The following SLC7A5 variants were observed in gnomAD, a reference collection of about 807,000 sequenced individuals.
The protein encoded by SLC7A5 is solute carrier family 7 member 5.
In SLC7A5, 23 loss-of-function variants were observed where a neutral mutation model predicts 50.2. That is an observed-to-expected ratio of 0.46 (90% CI 0.33 to 0.65). SLC7A5 has a LOEUF of 0.65. Ranked by LOEUF, SLC7A5 falls within the 30% of genes least tolerant of loss-of-function variation. The pLI, the probability that SLC7A5 is intolerant of heterozygous loss-of-function variation, is 0.02. For missense variants in SLC7A5, 578 were observed against 684.4 expected, an observed-to-expected ratio of 0.84 and a Z score of 1.73; for synonymous variants, 393 against 330.6, an observed-to-expected ratio of 1.19 and a Z score of -2.05.
At chr16:87,839,535 T>C (rs1264004243) in intron 5 of SLC7A5, among the ~76,000 whole-genome samples, 167 bp downstream of exon 5, 1 of 152,118 alleles carries the variant, frequency 6.6e-6, no homozygotes, top group African/African-American at 2.4e-5. Flanking sequence ...GCGGTCGCTG[T>C]GAGGGGAGAC....
At chr16:87,848,020 G>A (rs575330342) in intron 2 of SLC7A5, among the ~76,000 whole-genome samples, 4 of 152,148 alleles carry the variant, frequency 2.6e-5, no homozygotes, top group Non-Finnish European at 5.9e-5. Flanking sequence ...ATTCAGCCGG[G>A]GTCTGAGCCC....
rs568692213 is a variant in SLC7A5, at chr16:87,854,656, C to T, written c.539-2807G>A. Among the ~76,000 whole-genome samples, 7 of 152,386 alleles carry T rather than the reference C, an allele frequency of 4.6e-5. No homozygotes were observed. The East Asian group carries it at 1.2e-3, about 25-fold the overall frequency. The stretch of plus-strand genomic sequence containing the variant: ...AGCCACCCCCAGATAAGTGTGGCCG[C>T]GCCAGCCTGCGGGGACAGCTGGGCC... On this transcript the variant is annotated intron_variant, in intron 1 of 9. Coordinates refer to ENST00000261622, the MANE Select transcript of SLC7A5 (RefSeq NM_003486.7).
intron 5 of SLC7A5, among the ~76,000 whole-genome samples, chr16:87,839,148 G>A (rs1330063136): frequency 3.3e-5 from 5 of 152,212 alleles, no homozygotes; most frequent in Non-Finnish European, 5.9e-5. Flanking sequence ...GTGCCCTGCC[G>A]GCAGCGGGCT....
chr16:87,854,316 T>G (rs2055285830), intron 1 of SLC7A5, among the ~76,000 whole-genome samples: 1 of 152,210 alleles, frequency 6.6e-6, no homozygotes, highest in East Asian at 1.9e-4. Context: ...AACATAAATT[T>G]TCATGTTCAC....
At position 87,845,343 on chromosome 16, in the gene SLC7A5, C is replaced by T. The variant is rs185364978; in HGVS notation, c.665-4188G>A. On this transcript the variant is annotated intron_variant, in intron 2 of 9. Coordinates refer to ENST00000261622, the MANE Select transcript of SLC7A5 (RefSeq NM_003486.7). ...GGTCAGCACCCTGGAGCTAGCTGCC[C>T]TGTGGGCTCAGGGAAGTCGTGCAGT... Among the ~76,000 whole-genome samples, 215 of 152,276 alleles carry T rather than the reference C, an allele frequency of 1.4e-3. 13 individuals carry two copies. The highest frequency in any genetic ancestry group is 4.9e-3 in the African/African-American group (205 of 41,522).
In SLC7A5 at chr16:87,861,081, G is replaced by A. The variant is rs151285984; in HGVS notation, c.538+7804C>T. 4.9e-3 allele frequency among the ~76,000 whole-genome samples: 750 copies of A among 152,338 alleles called. 3 individuals carry two copies. Among genetic ancestry groups the A allele is most frequent in the Non-Finnish European group, 8.2e-3 (561 of 68,022 alleles). On this transcript the variant is annotated intron_variant, in intron 1 of 9. Transcript: ENST00000261622. The surrounding 1 kb of genome is among the most constrained non-coding windows in gnomAD (Gnocchi z 4.2). ...TGCTGCCACAGGGCCTCTGGGGAGC[G>A]TGCGGGCACACAGTACCAATCTGCA...
intron 1 of SLC7A5, among the ~76,000 whole-genome samples, chr16:87,855,071 G>T (rs1273808372): frequency 4.6e-5 from 7 of 152,238 alleles, no homozygotes; most frequent in Non-Finnish European, 1.0e-4. Flanking sequence ...CCAAGCTGTG[G>T]TCCTGGTCCT....
chr16:87,856,979 G>A (rs930986648), intron 1 of SLC7A5, among the ~76,000 whole-genome samples: 9 of 150,306 alleles, frequency 6.0e-5, no homozygotes, highest in African/African-American at 1.7e-4. Flanking sequence ...GCACAGGCGC[G>A]TGCTTCCCTG....
At chr16:87,842,090 A>G (rs950171393) in intron 2 of SLC7A5, among the ~76,000 whole-genome samples, 14 of 152,192 alleles carry the variant, frequency 9.2e-5, no homozygotes, top group African/African-American at 3.1e-4. Flanking sequence ...CGCTTCAGGA[A>G]GGAGAACTTG....
chr16:87,843,633 AC>A (rs928588375), intron 2 of SLC7A5, among the ~76,000 whole-genome samples: 2 of 151,992 alleles, frequency 1.3e-5, no homozygotes, highest in African/African-American at 4.8e-5. Flanking sequence ...TGGGGGCAGC[AC>A]CCCTGTACCT....
intron 5 of SLC7A5, 96 bp from the exon 6 acceptor site, chr16:87,838,913 C>G (rs1240554370): frequency 2.6e-5 from 23 of 901,610 alleles, no homozygotes. Flanking sequence ...AGCCCTCGCC[C>G]TCTGTGCTCA....
chr16:87,834,187 C>A (rs1250181039), intron 9 of SLC7A5, among the ~76,000 whole-genome samples: 5 of 152,206 alleles, frequency 3.3e-5, no homozygotes, highest in Non-Finnish European at 7.3e-5. Context: ...CAGCAGTAGC[C>A]TGGTTTTCCG....
chr16:87,846,875 G>T (rs953604561), intron 2 of SLC7A5, among the ~76,000 whole-genome samples: 1 of 152,232 alleles, frequency 6.6e-6, no homozygotes, highest in African/African-American at 2.4e-5. Flanking sequence ...CCGTGCCGGG[G>T]ACGCGGTGAG....
At chr16:87,864,765 TTAAC>T (rs1309849417) in intron 1 of SLC7A5, among the ~76,000 whole-genome samples, 1 of 152,236 alleles carries the variant, frequency 6.6e-6, no homozygotes, top group Admixed American at 6.5e-5. Context: ...TTCAGTATGA[TTAAC>T]TAACAAAAGC....
chr16:87,833,577 C>A lies in SLC7A5; in HGVS notation c.1469-552G>T, dbSNP rs2054958933. ...CCTGAATGACAGTTAATGCAGATCC[C>A]ACTGCAAAGCTTGAGGCAAATGTTC... On this transcript the variant is annotated intron_variant, in intron 9 of 9. Coordinates refer to ENST00000261622, the MANE Select transcript of SLC7A5 (RefSeq NM_003486.7). The surrounding 1 kb of genome is among the most constrained non-coding windows in gnomAD (Gnocchi z 6.0). Among the ~76,000 whole-genome samples the A allele has an allele frequency of 1.3e-5, 2 of 152,308 alleles. No individual in the cohort carries two copies. Among genetic ancestry groups the A allele is most frequent in the African/African-American group, 4.8e-5 (2 of 41,584 alleles).
intron 2 of SLC7A5, among the ~76,000 whole-genome samples, chr16:87,843,888 T>C (rs2143750644): frequency 6.6e-6 from 1 of 152,220 alleles, no homozygotes; most frequent in South Asian, 2.1e-4. Context: ...CAGGACCAGC[T>C]CCTCTCAGCT....
chr16:87,864,083 G>C (rs1273112109), intron 1 of SLC7A5, among the ~76,000 whole-genome samples: 1 of 147,784 alleles, frequency 6.8e-6, no homozygotes, highest in Admixed American at 6.8e-5. Flanking sequence ...CCTGAGGTCA[G>C]GAGTTCGAGA....
intron 7 of SLC7A5, among the ~76,000 whole-genome samples, chr16:87,837,118 GCTTCTAACT>G (rs2055016909): frequency 6.6e-6 from 1 of 152,252 alleles, no homozygotes; most frequent in African/African-American, 2.4e-5. Context: ...TTCCTGACTG[GCTTCTAACT>G]CAGGGAAGGA....
chr16:87,845,456 T>C (rs1213917049), intron 2 of SLC7A5, among the ~76,000 whole-genome samples: 2 of 129,054 alleles, frequency 1.5e-5, no homozygotes, highest in African/African-American at 6.3e-5. Flanking sequence ...CCATGCCCAC[T>C]CCAGGCAGAG....
Sources: gnomAD v4.1 joint callset for allele counts (sites outside exome capture counted in the v4.1 genomes callset) on GRCh38, gnomAD v4.1.1 for gene constraint, Gnocchi (gnomAD v3.1) non-coding constraint, MANE v1.5 for transcripts, NCBI Gene and HGNC (gene_info 2026-07-23, HGNC 2026-07-21) for gene names.